The following SHANK2 variants were observed in gnomAD, a reference collection of about 807,000 sequenced individuals.
SHANK2 encodes the protein SH3 and multiple ankyrin repeat domains protein 2.
In SHANK2, 43 loss-of-function variants were observed where a neutral mutation model predicts 133.7. The observed-to-expected ratio is 0.32, with a 90% CI of 0.25 to 0.41. The LOEUF is 0.41. Ranked by LOEUF, SHANK2 falls within the 10% of genes least tolerant of loss-of-function variation. The pLI, the probability that SHANK2 is intolerant of heterozygous loss-of-function variation, is 1.00. For synonymous variants in SHANK2, 1,017 were observed against 952.8 expected (o/e 1.07, Z -1.24); for missense variants, 1,994 against 2,235.8 (o/e 0.89, Z 2.18).
chr11:70,559,433 C>A, intron 17 of SHANK2, among the ~76,000 whole-genome samples: 1 of 152,222 alleles, frequency 6.6e-6, no homozygotes, highest in East Asian at 1.9e-4. Context: ...AATAGCAACA[C>A]AGTTAACAGT....
intron 11 of SHANK2, among the ~76,000 whole-genome samples, chr11:70,842,516 T>G (rs2135435066): frequency 6.6e-6 from 1 of 152,312 alleles, no homozygotes; most frequent in South Asian, 2.1e-4. Context: ...CTCTCTGCAC[T>G]TGTCCCTTTC....
chr11:70,662,956 C>G (rs529516179), intron 15 of SHANK2, among the ~76,000 whole-genome samples: 1 of 152,086 alleles, frequency 6.6e-6, no homozygotes. Context: ...TGCTGCTGCC[C>G]GGAAGTTAGT....
At chr11:70,860,449 G>C (rs889406576) in intron 11 of SHANK2, among the ~76,000 whole-genome samples, 1 of 152,218 alleles carries the variant, frequency 6.6e-6, no homozygotes, top group East Asian at 1.9e-4. Flanking sequence ...TGGAATGCAG[G>C]AAGGAATAAG....
At chr11:70,826,088 C>CA (rs1422609159) in intron 11 of SHANK2, among the ~76,000 whole-genome samples, 2 of 152,200 alleles carry the variant, frequency 1.3e-5, no homozygotes, top group African/African-American at 2.4e-5. Context: ...CAGCCATGTG[C>CA]CCCGACCTGC....
intron 17 of SHANK2, among the ~76,000 whole-genome samples, chr11:70,552,885 G>T (rs1554978510): frequency 3.9e-5 from 6 of 152,148 alleles, no homozygotes; most frequent in African/African-American, 1.4e-4. Flanking sequence ...AGACAGGGCA[G>T]CCTAAACCAC....
chr11:70,498,105 G>A (rs1007523471), intron 21 of SHANK2, among the ~76,000 whole-genome samples: 3 of 152,238 alleles, frequency 2.0e-5, no homozygotes, highest in Non-Finnish European at 2.9e-5. Context: ...ACATCCTCTG[G>A]CATGGTCCAG....
intron 17 of SHANK2, among the ~76,000 whole-genome samples, chr11:70,594,077 C>A (rs189240525): frequency 2.0e-5 from 3 of 152,144 alleles, no homozygotes. Context: ...CTGCCCGATT[C>A]GTAAATCGCT....
intron 11 of SHANK2, among the ~76,000 whole-genome samples, chr11:70,823,174 GGGGGACAGAGGTGGCGCTGGCAGAGC>G (rs1948568464): frequency 1.1e-4 from 1 of 9,354 alleles, no homozygotes; most frequent in African/African-American, 7.5e-4. Context: ...CAGAGCTCAC[GGGGGACAGAGGTGGCGCTGGCAGAGC>G]TCACGGGGGA....
intron 14 of SHANK2, among the ~76,000 whole-genome samples, chr11:70,752,635 G>C (rs1161813587): frequency 6.8e-6 from 1 of 147,892 alleles, no homozygotes; most frequent in African/African-American, 2.5e-5. Context: ...GAACCCGGGA[G>C]GCGGAGCTTG....
intron 14 of SHANK2, among the ~76,000 whole-genome samples, chr11:70,738,875 G>A (rs1946463845): frequency 6.6e-6 from 1 of 152,180 alleles, no homozygotes; most frequent in African/African-American, 2.4e-5. Context: ...GCCTGCCCAG[G>A]CCCCAGAGGG....
intron 2 of SHANK2, among the ~76,000 whole-genome samples, chr11:71,156,222 T>C (rs1247726639): frequency 1.3e-5 from 2 of 152,246 alleles, no homozygotes; most frequent in African/African-American, 4.8e-5. Context: ...CAGCCTGAGC[T>C]GACTCCTCCA....
intron 17 of SHANK2, among the ~76,000 whole-genome samples, chr11:70,532,417 C>T (rs2059485830): frequency 1.3e-5 from 2 of 152,260 alleles, no homozygotes; most frequent in African/African-American, 2.4e-5. Context: ...CACATTTGCA[C>T]AAAGGTATTG....
At chr11:70,659,146 A>G (rs2061448461) in intron 17 of SHANK2, among the ~76,000 whole-genome samples, 1 of 152,142 alleles carries the variant, frequency 6.6e-6, no homozygotes, top group Non-Finnish European at 1.5e-5. Context: ...GCACACACCA[A>G]CGTGCCAACC....
chr11:71,245,294 T>C (rs1253420645), intron 1 of SHANK2, among the ~76,000 whole-genome samples: 3 of 152,226 alleles, frequency 2.0e-5, no homozygotes, highest in African/African-American at 7.2e-5. Context: ...CAAGTGTTTT[T>C]CTTATTTTGA....
At chr11:70,730,318 C>A (rs137985014) in intron 14 of SHANK2, among the ~76,000 whole-genome samples, 3 of 152,222 alleles carry the variant, frequency 2.0e-5, no homozygotes, top group African/African-American at 7.2e-5. Context: ...CCACTCCTGC[C>A]CTTGCACCTG....
intron 17 of SHANK2, among the ~76,000 whole-genome samples, chr11:70,568,652 C>CCCCCCCA (rs1248567918): frequency 2.3e-5 from 3 of 128,542 alleles, no homozygotes; most frequent in South Asian, 3.8e-4. Flanking sequence ...TCCTGCCCCC[C>CCCCCCCA]CCGCCCACTT....
At chr11:70,493,183 GTTTTT>G (rs1196252410) in intron 21 of SHANK2, among the ~76,000 whole-genome samples, 1 of 138,880 alleles carries the variant, frequency 7.2e-6, no homozygotes, top group Non-Finnish European at 1.6e-5. Context: ...GTTTGTTTTT[GTTTTT>G]TTTTTTGAAG....
chr11:71,071,797 G>C (rs1429644138), intron 9 of SHANK2, among the ~76,000 whole-genome samples: 4 of 152,166 alleles, frequency 2.6e-5, no homozygotes, highest in Non-Finnish European at 5.9e-5. Flanking sequence ...GATGAGGCTT[G>C]AGATTCCACC....
intron 17 of SHANK2, among the ~76,000 whole-genome samples, chr11:70,524,175 G>C (rs1008656322): frequency 9.8e-5 from 15 of 152,298 alleles, no homozygotes; most frequent in African/African-American, 3.4e-4. Context: ...AGCTACAGCG[G>C]AGCCCTGGGT....
Sources: gnomAD v4.1 joint callset for allele counts (sites outside exome capture counted in the v4.1 genomes callset) on GRCh38, gnomAD v4.1.1 for gene constraint, MANE v1.5 for transcripts, NCBI Gene and HGNC (gene_info 2026-07-23, HGNC 2026-07-21) for gene names.